The following CDH13 variants were observed in gnomAD, a reference collection of about 807,000 sequenced individuals.
CDH13 encodes cadherin-13.
Under a neutral mutation model 63.8 loss-of-function variants are expected in CDH13, and 24 were observed. That is an observed-to-expected ratio of 0.38 (90% CI 0.27 to 0.53). The LOEUF is 0.53. CDH13 is among the 20% of genes least tolerant of loss of function. The pLI is 0.85. For missense variants in CDH13, 1,049 were observed against 903.1 expected (o/e 1.16, Z -2.07); for synonymous variants, 503 against 355.3 (o/e 1.42, Z -4.67).
intron 4 of CDH13, among the ~76,000 whole-genome samples, chr16:83,216,051 G>A (rs2039497255): frequency 6.7e-6 from 1 of 150,330 alleles, no homozygotes; most frequent in South Asian, 2.1e-4. Flanking sequence ...GCATATGCCA[G>A]TAACTCACGA....
chr16:83,078,802 GT>G (rs556481490), intron 3 of CDH13, among the ~76,000 whole-genome samples: 1 of 151,822 alleles, frequency 6.6e-6, no homozygotes. Flanking sequence ...TGGTTTTTTG[GT>G]TTTTTTTGAG....
chr16:82,971,216 A>G (rs545282912), intron 2 of CDH13, among the ~76,000 whole-genome samples: 31 of 152,304 alleles, frequency 2.0e-4, no homozygotes, highest in African/African-American at 7.0e-4. Context: ...ACTCACCAGC[A>G]GGATTCAGTT....
rs1206675302 is a variant in CDH13, at chr16:83,775,039, C to T, written c.1682-4929C>T. Among the ~76,000 whole-genome samples, 4 of 151,858 alleles carry T rather than the reference C, an allele frequency of 2.6e-5. 1 individual carries two copies. The highest frequency in any genetic ancestry group is 2.0e-4 in the Admixed American group (3 of 15,004). The stretch of plus-strand genomic sequence containing the variant: ...TGGAATTATGGTTTAGGGATTATAG[C>T]TTGCTTTCATGGTTAAAATGAGAGC... On this transcript the variant is annotated intron_variant, in intron 11 of 13. Coordinates refer to ENST00000567109, the MANE Select transcript of CDH13 (RefSeq NM_001257.5).
At chr16:82,638,953 C>T (rs1909044662) in intron 1 of CDH13, among the ~76,000 whole-genome samples, 1 of 152,170 alleles carries the variant, frequency 6.6e-6, no homozygotes, top group African/African-American at 2.4e-5. Flanking sequence ...CTTCCTGCAA[C>T]CCTTAGAGGC....
intron 1 of CDH13, among the ~76,000 whole-genome samples, chr16:82,768,163 A>C (rs1447239341): frequency 6.6e-6 from 1 of 152,210 alleles, no homozygotes; most frequent in Non-Finnish European, 1.5e-5. Flanking sequence ...AATGCTACAC[A>C]ATCATGCAAC....
chr16:83,544,828 T>A (rs149886633), intron 7 of CDH13, among the ~76,000 whole-genome samples: 67 of 152,292 alleles, frequency 4.4e-4, no homozygotes, highest in African/African-American at 1.5e-3. Context: ...TCAAAGGGTA[T>A]CTACTAGGAT....
chr16:83,299,164 T>G (rs79282218), intron 5 of CDH13, among the ~76,000 whole-genome samples: 12,574 of 152,238 alleles, frequency 0.083, 708 homozygotes, highest in Non-Finnish European at 0.13. Context: ...TGAATGGAGA[T>G]AATATCTTTC....
chr16:83,753,384 G>A (rs554368875), intron 11 of CDH13, among the ~76,000 whole-genome samples: 2 of 152,154 alleles, frequency 1.3e-5, no homozygotes, highest in East Asian at 3.9e-4. Context: ...TCCCGAAAAA[G>A]AATACAAAAA....
intron 2 of CDH13, among the ~76,000 whole-genome samples, chr16:82,914,175 G>A (rs983931282): frequency 6.6e-6 from 1 of 151,980 alleles, no homozygotes; most frequent in East Asian, 1.9e-4. Flanking sequence ...TAGACTCTAG[G>A]GCAGGCTTCT....
At chr16:83,186,470 A>G (rs1248850415) in intron 4 of CDH13, among the ~76,000 whole-genome samples, 1 of 152,128 alleles carries the variant, frequency 6.6e-6, no homozygotes, top group Non-Finnish European at 1.5e-5. Context: ...TTTTCGAGAC[A>G]GCCTTATCAG....
intron 1 of CDH13, among the ~76,000 whole-genome samples, chr16:82,628,625 G>A (rs937856134): frequency 6.6e-6 from 1 of 152,116 alleles, no homozygotes; most frequent in East Asian, 1.9e-4. Context: ...CCCAGTTATA[G>A]CTCCTTTTCT....
chr16:83,070,404 C>G (rs1382867984), intron 3 of CDH13, among the ~76,000 whole-genome samples: 1 of 152,160 alleles, frequency 6.6e-6, no homozygotes, highest in East Asian at 1.9e-4. Flanking sequence ...TTCCCTTTAT[C>G]TTCTTTTCTT....
At chr16:82,704,011 A>G (rs979046778) in intron 1 of CDH13, among the ~76,000 whole-genome samples, 4 of 152,118 alleles carry the variant, frequency 2.6e-5, no homozygotes, top group Non-Finnish European at 4.4e-5. Flanking sequence ...TTTCTGCTTC[A>G]TCTCCAGCCC....
chr16:83,239,227 T>C (rs914506266), intron 5 of CDH13, among the ~76,000 whole-genome samples: 18 of 152,150 alleles, frequency 1.2e-4, no homozygotes, highest in Non-Finnish European at 2.5e-4. Flanking sequence ...AAGTTATCAC[T>C]GCAGAGGGAG....
At chr16:82,921,695 G>A (rs537482870) in intron 2 of CDH13, among the ~76,000 whole-genome samples, 2 of 152,142 alleles carry the variant, frequency 1.3e-5, no homozygotes, top group South Asian at 4.2e-4. Context: ...AGAGATATTG[G>A]TCTTTTTTTC....
At chr16:83,770,978 A>G (rs904731800) in intron 11 of CDH13, among the ~76,000 whole-genome samples, 2 of 152,118 alleles carry the variant, frequency 1.3e-5, no homozygotes, top group African/African-American at 4.8e-5. Flanking sequence ...TCTGATTTCA[A>G]TGCCTCTGAC....
At position 83,206,080 on chromosome 16, in the gene CDH13, G is replaced by A. The variant is rs891427347; in HGVS notation, c.484-11265G>A. On this transcript the variant is annotated intron_variant, in intron 4 of 13. Coordinates refer to ENST00000567109, the MANE Select transcript of CDH13 (RefSeq NM_001257.5). ...GGCCTGGTGTGCTTTGGGAAGGACA[G>A]GCATGAAAGGGTGACTCATACATGG... Among the ~76,000 whole-genome samples the A allele has an allele frequency of 3.3e-5, 5 of 152,212 alleles. No homozygotes were observed. The East Asian group carries it at 5.8e-4, about 18-fold the overall frequency.
intron 2 of CDH13, among the ~76,000 whole-genome samples, chr16:82,864,219 C>G (rs1486336559): frequency 6.6e-6 from 1 of 152,040 alleles, no homozygotes; most frequent in Non-Finnish European, 1.5e-5. Context: ...TCTGAAGAGG[C>G]AGGGGTATTT....
chr16:83,527,441 C>G (rs1459105811), intron 7 of CDH13, among the ~76,000 whole-genome samples: 1 of 149,836 alleles, frequency 6.7e-6, no homozygotes, highest in East Asian at 1.9e-4. Flanking sequence ...AAAGCGAGAC[C>G]CCATCTCAAA....
Sources: allele counts gnomAD v4.1 joint callset (sites outside exome capture counted in the v4.1 genomes callset), GRCh38; gene constraint gnomAD v4.1.1; transcripts MANE v1.5; gene names NCBI Gene and HGNC (gene_info 2026-07-23, HGNC 2026-07-21).